DNAH11: variants seen among roughly 807,000 people sequenced by gnomAD.
DNAH11 encodes the protein axonemal beta dynein heavy chain 11.
A neutral mutation model predicts 526.0 loss-of-function variants in DNAH11; 442 were observed. The ratio of observed to expected loss-of-function variants is 0.84; its 90% CI spans 0.78 to 0.91. The LOEUF is 0.91. DNAH11 is among the 40% of genes least tolerant of loss of function. The probability of loss-of-function intolerance (pLI) is 0.00; values close to 1 mark genes in which losing one functional copy is unlikely to be tolerated. For missense variants in DNAH11, 6,989 were observed against 5,448.7 expected, an observed-to-expected ratio of 1.28 and a Z score of -8.90; for synonymous variants, 2,461 against 1,935.9, an observed-to-expected ratio of 1.27 and a Z score of -7.12.
intron 65 of DNAH11, among the ~76,000 whole-genome samples, chr7:21,834,924 A>C (rs928619344): frequency 6.6e-6 from 1 of 152,180 alleles, no homozygotes; most frequent in Non-Finnish European, 1.5e-5. Context: ...AAAAGTTTCA[A>C]ATCAGAGACG....
Position 21,866,655 on chromosome 7 carries a change from T to A in DNAH11, c.11682T>A (p.Tyr3894Ter). 1 of 1,610,772 alleles carries A rather than the reference T, an allele frequency of 6.2e-7. No individual in the cohort carries two copies. Among genetic ancestry groups the A allele is most frequent in the African/African-American group, 1.3e-5 (1 of 74,888 alleles). ...LRAMRPDRMT[Y>*]ALRNFVEEKL... The stretch of plus-strand genomic sequence containing the variant: ...CAATGCGCCCTGACAGAATGACGTA[T>A]GCTCTCAGGTGGGGTGGTCAGCATT... The change falls in exon 71 of 82, where the codon TAT becomes TAA. Residue 3894 changes from tyrosine to a stop codon, truncating the protein, a stop_gained. Transcript: ENST00000409508. LOFTEE classifies it high-confidence loss of function.
chr7:21,806,036 G>T (rs951358645), intron 62 of DNAH11, among the ~76,000 whole-genome samples: 7 of 152,262 alleles, frequency 4.6e-5, no homozygotes, highest in Admixed American at 2.6e-4. Flanking sequence ...CCCCAGCCAG[G>T]ATGACATTAC....
chr7:21,673,691 A>T (rs1782736772), intron 30 of DNAH11, among the ~76,000 whole-genome samples: 1 of 152,042 alleles, frequency 6.6e-6, no homozygotes. Context: ...CATTACTCAA[A>T]ACAAAATAAT....
In DNAH11 at chr7:21,815,300, A is replaced by G. The variant is rs150708312; in HGVS notation, c.10333-1167A>G. 4.7e-3 allele frequency among the ~76,000 whole-genome samples: 712 copies of G among 152,326 alleles called. 6 individuals carry two copies. The highest frequency in any genetic ancestry group is 0.017 in the African/African-American group (690 of 41,570). ...TTGCAGATAGAAGATTGCTTATTCT[A>G]AAAGATCAAATTGCCTATGTCTCTA... On this transcript the variant is annotated intron_variant, in intron 63 of 81. Transcript: ENST00000409508.
intron 28 of DNAH11, among the ~76,000 whole-genome samples, chr7:21,649,056 G>A (rs1343802434): frequency 6.6e-6 from 1 of 151,492 alleles, no homozygotes; most frequent in Non-Finnish European, 1.5e-5. Flanking sequence ...TTGTTGATAT[G>A]ATTTGGGATT....
At chr7:21,594,705 C>T (rs1013341043) in intron 14 of DNAH11, among the ~76,000 whole-genome samples, 3 of 151,902 alleles carry the variant, frequency 2.0e-5, no homozygotes, top group Admixed American at 6.6e-5. Flanking sequence ...GCAGGAGATC[C>T]CTGGGCATGC....
chr7:21,777,822 G>A (rs936112524), intron 56 of DNAH11, among the ~76,000 whole-genome samples: 2 of 152,142 alleles, frequency 1.3e-5, no homozygotes, highest in Admixed American at 6.6e-5. Context: ...TAGTAATCAT[G>A]CTTTTTAGAT....
intron 76 of DNAH11, among the ~76,000 whole-genome samples, chr7:21,887,444 T>C (rs1012774475): frequency 6.6e-6 from 1 of 152,174 alleles, no homozygotes; most frequent in Non-Finnish European, 1.5e-5. Context: ...TTTAGTAATA[T>C]AGAATAACAA....
At chr7:21,725,667 A>T in intron 44 of DNAH11, 144 bp from the exon 45 acceptor site, 1 of 740,620 alleles carries the variant, frequency 1.4e-6, no homozygotes, top group Non-Finnish European at 2.2e-6. Context: ...TTTTTAAGTT[A>T]ATTATTTCAC....
At chr7:21,773,135 CAT>C (rs1787512646) in intron 55 of DNAH11, among the ~76,000 whole-genome samples, 3 of 152,086 alleles carry the variant, frequency 2.0e-5, no homozygotes, top group African/African-American at 7.2e-5. Context: ...CTTCAGAAGT[CAT>C]AGAGGACAAA....
rs200223750 is a variant in DNAH11 at position 21,711,793 on chromosome 7, G to A, written c.6916G>A (p.Ala2306Thr). ...GTTTGAGATACATCACTTAAGGAGC[G>A]CAACCCCGGCCACTGTTTCCAGAGC... The part of the protein sequence containing the change: ...LLFEIHHLRS[A>T]TPATVSRAGI... Residue 2306 changes from alanine to threonine, a missense_variant, in exon 42 of 82, where the codon GCA becomes ACA. Physicochemically the swap from Ala to Thr is moderately conservative, Grantham distance 58. Coordinates refer to ENST00000409508, the MANE Select transcript of DNAH11 (RefSeq NM_001277115.2). 39 of 1,613,722 alleles carry A rather than the reference G, an allele frequency of 2.4e-5. No individual in the cohort carries two copies. The highest frequency in any genetic ancestry group is 8.0e-5 in the African/African-American group (6 of 74,914).
Position 21,637,598 on chromosome 7 carries a change from T to C in DNAH11, c.4726-13T>C. ...TTCTAATATCCACGGCCCCGTATTGTACTTTCATGCAGGAGTTAATGTTCA... is the reference window on the plus strand; with the variant it reads ...TTCTAATATCCACGGCCCCGTATTGCACTTTCATGCAGGAGTTAATGTTCA... On this transcript the variant is annotated splice_polypyrimidine_tract_variant and intron_variant, in intron 26 of 81. Transcript: ENST00000409508. The C allele has an allele frequency of 6.5e-7, 1 of 1,529,720 alleles. No individual in the cohort carries two copies. The highest frequency in any genetic ancestry group is 8.9e-7 in the Non-Finnish European group (1 of 1,118,526). 94.8% of individuals were successfully genotyped at this position (1,529,720 alleles called of 1,614,324 possible). A position where few individuals can be genotyped will look rare whatever the true frequency, so the allele number is the denominator to read the frequency against.
rs192367431 is a variant in DNAH11, at chr7:21,742,068, A to G, written c.8056A>G (p.Thr2686Ala). 5 of 1,613,972 alleles carry G rather than the reference A, an allele frequency of 3.1e-6. No homozygotes were observed. Among genetic ancestry groups the G allele is most frequent in the East Asian group, 4.5e-5 (2 of 44,878 alleles). ...GAGTGGCCCCACTTTGATCCAGGCA[A>G]CAATAGCATTCCATCAGACAATGAT... ...LRSGPTLIQA[T>A]IAFHQTMMCN... The change falls in exon 49 of 82, where the codon ACA (threonine) becomes GCA (alanine). Residue 2686 changes from threonine to alanine, a missense_variant. By Grantham distance (58) the Thr-to-Ala change is moderately conservative. Coordinates refer to ENST00000409508, the MANE Select transcript of DNAH11 (RefSeq NM_001277115.2).
At chr7:21,699,561 G>A (rs563944054) in intron 36 of DNAH11, among the ~76,000 whole-genome samples, 1 of 152,270 alleles carries the variant, frequency 6.6e-6, no homozygotes, top group East Asian at 1.9e-4. Flanking sequence ...GCAAAATATG[G>A]AATATGAGAG....
At position 21,894,875 on chromosome 7, in the gene DNAH11, C is replaced by G. The variant is rs755554937; in HGVS notation, c.12934-9C>G. 3 of 1,612,268 alleles carry G rather than the reference C, an allele frequency of 1.9e-6. No individual in the cohort carries two copies. The South Asian group carries it at 3.3e-5, about 18-fold the overall frequency. On this transcript the variant is annotated splice_polypyrimidine_tract_variant and intron_variant, in intron 78 of 81. Transcript: ENST00000409508. ...ATATTCACTGTGTGGCTTTTTTTCT[C>G]CATGCAAGGGGGAATTGGCATTATC...
At chr7:21,779,722 G>A (rs1263009166) in intron 57 of DNAH11, among the ~76,000 whole-genome samples, 2 of 152,116 alleles carry the variant, frequency 1.3e-5, no homozygotes, top group Non-Finnish European at 2.9e-5. Context: ...TTACCAAAAC[G>A]TCAGCTACAA....
chr7:21,687,359 G>T (rs749227529), intron 33 of DNAH11, 23 bp from the exon 34 acceptor site: 1 of 1,592,330 alleles, frequency 6.3e-7, no homozygotes, highest in Non-Finnish European at 8.6e-7. Context: ...GTTAAATTCT[G>T]AGTGCCTCAC....
intron 63 of DNAH11, among the ~76,000 whole-genome samples, chr7:21,815,121 G>C (rs75881648): frequency 2.6e-3 from 391 of 152,192 alleles, no homozygotes; most frequent in African/African-American, 9.0e-3. Context: ...TCTCTACTCT[G>C]CACAGAGTAG....
At chr7:21,682,623 T>C (rs1186418290) in intron 31 of DNAH11, among the ~76,000 whole-genome samples, 2 of 151,966 alleles carry the variant, frequency 1.3e-5, no homozygotes, top group African/African-American at 4.8e-5. Context: ...TTCCAAAATA[T>C]ATTCCTATTT....
Sources: gnomAD v4.1 joint callset for allele counts (sites outside exome capture counted in the v4.1 genomes callset) on GRCh38, gnomAD v4.1.1 for gene constraint, MANE v1.5 for transcripts, NCBI Gene and HGNC (gene_info 2026-07-23, HGNC 2026-07-21) for gene names.